Variants in AKT3 observed in about 807,000 individuals in gnomAD.
AKT3 encodes RAC-gamma serine/threonine-protein kinase.
In AKT3, 15 loss-of-function variants were observed where a neutral mutation model predicts 65.3. That is an observed-to-expected ratio of 0.23 (90% CI 0.15 to 0.35). The LOEUF is 0.35. Ranked by LOEUF, AKT3 falls within the 10% of genes least tolerant of loss-of-function variation. The pLI, the probability that AKT3 is intolerant of heterozygous loss-of-function variation, is 1.00. For synonymous variants in AKT3, 206 were observed against 183.8 expected, an observed-to-expected ratio of 1.12 and a Z score of -0.98; for missense variants, 243 against 576.5, an observed-to-expected ratio of 0.42 and a Z score of 5.92.
intron 2 of AKT3, among the ~76,000 whole-genome samples, chr1:243,834,953 A>G (rs1694797722): frequency 6.6e-6 from 1 of 152,204 alleles, no homozygotes; most frequent in East Asian, 1.9e-4. Flanking sequence ...CAGGAGAACA[A>G]CAGCACAAGG....
downstream of AKT3, among the ~76,000 whole-genome samples, chr1:243,499,021 G>A (rs1019687140): frequency 9.9e-5 from 15 of 152,210 alleles, no homozygotes; most frequent in Admixed American, 7.2e-4. Flanking sequence ...CATGCTTTGT[G>A]GAGTGGAAAC....
rs1689719855 is a variant in AKT3 at position 243,764,898 on chromosome 1, G to T, written c.47-69182C>A. On this transcript the variant is annotated intron_variant, in intron 2 of 13. Transcript: ENST00000673466. ...ATTTCAAAATTCAAAGCTTTCTCCA[G>T]CTTGTATTTAACCTTTTAATTACTA... Among the ~76,000 whole-genome samples the T allele has an allele frequency of 2.0e-5, 3 of 152,090 alleles. No homozygotes were observed. The South Asian group carries it at 6.2e-4, about 32-fold the overall frequency.
intron 10 of AKT3, among the ~76,000 whole-genome samples, chr1:243,553,643 T>C (rs1434936952): frequency 3.3e-5 from 5 of 152,154 alleles, no homozygotes; most frequent in Non-Finnish European, 7.4e-5. Context: ...ACTTAATATC[T>C]GTGTGGTATA....
At chr1:243,580,392 A>C (rs1675247475) in intron 8 of AKT3, among the ~76,000 whole-genome samples, 1 of 152,164 alleles carries the variant, frequency 6.6e-6, no homozygotes, top group South Asian at 2.1e-4. Context: ...AGTCACTGTG[A>C]CGGAAAAAGC....
At chr1:243,837,976 A>G (rs1352194899) in intron 2 of AKT3, among the ~76,000 whole-genome samples, 1 of 152,170 alleles carries the variant, frequency 6.6e-6, no homozygotes, top group Non-Finnish European at 1.5e-5. Context: ...TTGACCATCT[A>G]TGTAGAAAAT....
chr1:243,726,818 A>G (rs1222547622), intron 2 of AKT3, among the ~76,000 whole-genome samples: 2 of 152,224 alleles, frequency 1.3e-5, no homozygotes, highest in Non-Finnish European at 2.9e-5. Context: ...AGAATTTGGC[A>G]AGAATAGGGA....
chr1:243,551,817 T>C lies in AKT3; in HGVS notation c.1163+912A>G, dbSNP rs530703625. 6.6e-5 allele frequency among the ~76,000 whole-genome samples: 10 copies of C among 152,210 alleles called. No individual in the cohort carries two copies. In the East Asian group the frequency reaches 1.9e-3, roughly 29 times the overall value. On this transcript the variant is annotated intron_variant, in intron 11 of 13. Transcript: ENST00000673466. ...CATATGATTTATGAATTTATAAATA[T>C]GAATGAATGTATAAACATGAATAAA...
chr1:243,547,816 T>C (rs1189186203), intron 11 of AKT3, among the ~76,000 whole-genome samples: 1 of 152,168 alleles, frequency 6.6e-6, no homozygotes, highest in Admixed American at 6.5e-5. Context: ...TTAGTGATGA[T>C]AAATAATTCC....
At chr1:243,707,509 C>T (rs866009688) in intron 2 of AKT3, among the ~76,000 whole-genome samples, 1 of 152,116 alleles carries the variant, frequency 6.6e-6, no homozygotes, top group African/African-American at 2.4e-5. Flanking sequence ...AATCAAAAGC[C>T]TTCCACTGAA....
chr1:243,541,610 T>C (rs1672327518), intron 12 of AKT3, among the ~76,000 whole-genome samples: 1 of 152,206 alleles, frequency 6.6e-6, no homozygotes, highest in African/African-American at 2.4e-5. Flanking sequence ...TAACATCATA[T>C]TTAATGGTAA....
At position 243,800,720 on chromosome 1, in the gene AKT3, GA is replaced by G. The variant is rs147831687; in HGVS notation, c.46+42404del. Among the ~76,000 whole-genome samples the G allele has an allele frequency of 4.1e-3, 575 of 140,162 alleles. 1 individual carries two copies. The highest frequency in any genetic ancestry group is 4.9e-3 in the Non-Finnish European group (316 of 64,172). The allele number at this position is 140,162 out of a possible 152,430, so 92.0% of individuals were successfully genotyped here. The stretch of plus-strand genomic sequence containing the variant: ...CGACAGAGTGAGACTCAGTCTCGAG[GA>G]AAAAAAAAAAAGAGAGATTATGTAT... On this transcript the variant is annotated intron_variant, in intron 2 of 13. Coordinates refer to ENST00000673466, the MANE Select transcript of AKT3 (RefSeq NM_005465.7).
At chr1:243,541,312 T>C (rs1672301413) in intron 12 of AKT3, among the ~76,000 whole-genome samples, 1 of 152,228 alleles carries the variant, frequency 6.6e-6, no homozygotes, top group Non-Finnish European at 1.5e-5. Flanking sequence ...TATAGACTCA[T>C]GATTACATAT....
chr1:243,809,569 C>A (rs1460433406), intron 2 of AKT3, among the ~76,000 whole-genome samples: 1 of 152,104 alleles, frequency 6.6e-6, no homozygotes, highest in Non-Finnish European at 1.5e-5. Flanking sequence ...CTTAGACTCC[C>A]ACACAATAAT....
chr1:243,678,267 C>G (rs1683668790), intron 3 of AKT3, among the ~76,000 whole-genome samples: 1 of 152,052 alleles, frequency 6.6e-6, no homozygotes, highest in East Asian at 1.9e-4. Context: ...ATGGTTCCAA[C>G]CACAGACATA....
At chr1:243,649,424 C>A (rs550714191) in intron 4 of AKT3, among the ~76,000 whole-genome samples, 2 of 150,362 alleles carry the variant, frequency 1.3e-5, no homozygotes, top group South Asian at 4.2e-4. Context: ...TACACACATA[C>A]ATACACACTT....
chr1:243,719,877 G>A (rs1320560043), intron 2 of AKT3, among the ~76,000 whole-genome samples: 1 of 152,190 alleles, frequency 6.6e-6, no homozygotes, highest in Admixed American at 6.5e-5. Context: ...GTCTAGATTG[G>A]TGCTAGGGCA....
intron 11 of AKT3, among the ~76,000 whole-genome samples, chr1:243,549,535 T>G (rs1449601295): frequency 6.6e-6 from 1 of 152,036 alleles, no homozygotes; most frequent in Non-Finnish European, 1.5e-5. Context: ...CTCCAGCGAT[T>G]CTCCCACCTC....
intron 4 of AKT3, among the ~76,000 whole-genome samples, chr1:243,655,632 C>G (rs1246202577): frequency 1.3e-5 from 2 of 152,154 alleles, no homozygotes; most frequent in Non-Finnish European, 2.9e-5. Context: ...AAAGTTGAAT[C>G]ACCTTCACTC....
At chr1:243,662,595 T>G (rs1289422908) in intron 4 of AKT3, among the ~76,000 whole-genome samples, 1 of 149,742 alleles carries the variant, frequency 6.7e-6, no homozygotes, top group African/African-American at 2.4e-5. Context: ...TTGGGAGATA[T>G]ATCTAATGCT....
Sources: allele counts gnomAD v4.1 joint callset (sites outside exome capture counted in the v4.1 genomes callset), GRCh38; gene constraint gnomAD v4.1.1; transcripts MANE v1.5; gene names NCBI Gene and HGNC (gene_info 2026-07-23, HGNC 2026-07-21).